Variants in ZNF804B observed in about 807,000 individuals in gnomAD.
The protein encoded by ZNF804B is zinc finger 804B.
ZNF804B carries 80 observed loss-of-function variants against 101.4 expected under a neutral mutation model. The observed-to-expected ratio is 0.79, with a 90% CI of 0.66 to 0.95. ZNF804B has a LOEUF of 0.95. Among genes scored for constraint, ZNF804B ranks in the 40% least tolerant of loss-of-function variants. The pLI is 0.00. For missense variants in ZNF804B, 1,673 were observed against 1,561.9 expected, an observed-to-expected ratio of 1.07 and a Z score of -1.20; for synonymous variants, 622 against 558.8, an observed-to-expected ratio of 1.11 and a Z score of -1.59.
intron 2 of ZNF804B, among the ~76,000 whole-genome samples, chr7:89,248,750 A>G (rs1312440628): frequency 6.6e-6 from 1 of 152,120 alleles, no homozygotes; most frequent in Non-Finnish European, 1.5e-5. Context: ...AAAGCAACCA[A>G]CTAAAAACTC....
At chr7:88,787,191 C>A (rs2115674230) in intron 1 of ZNF804B, among the ~76,000 whole-genome samples, 1 of 152,144 alleles carries the variant, frequency 6.6e-6, no homozygotes, top group African/African-American at 2.4e-5. Flanking sequence ...AAGAGAAAAC[C>A]ATAAGGTGAA....
intron 2 of ZNF804B, among the ~76,000 whole-genome samples, chr7:89,222,120 T>C (rs1331020494): frequency 1.3e-5 from 2 of 151,948 alleles, no homozygotes; most frequent in Non-Finnish European, 2.9e-5. Flanking sequence ...ATAGGTCCTA[T>C]ATGGTAGAAA....
At chr7:89,124,650 A>G (rs1790453330) in intron 1 of ZNF804B, among the ~76,000 whole-genome samples, 1 of 152,158 alleles carries the variant, frequency 6.6e-6, no homozygotes, top group South Asian at 2.1e-4. Context: ...GAGAAGCGCT[A>G]TCACCCTGTC....
At chr7:89,276,672 T>C (rs916341109) in intron 2 of ZNF804B, among the ~76,000 whole-genome samples, 1 of 152,002 alleles carries the variant, frequency 6.6e-6, no homozygotes, top group Non-Finnish European at 1.5e-5. Flanking sequence ...TGAGTTTTGC[T>C]TTCTTTGAAA....
At chr7:88,943,862 C>T (rs536412506) in intron 1 of ZNF804B, among the ~76,000 whole-genome samples, 1 of 151,778 alleles carries the variant, frequency 6.6e-6, no homozygotes, top group African/African-American at 2.4e-5. Flanking sequence ...ATTTAAAGGG[C>T]TGTGTACCTT....
chr7:89,020,369 G>A (rs1483566419), intron 1 of ZNF804B, among the ~76,000 whole-genome samples: 2 of 151,956 alleles, frequency 1.3e-5, no homozygotes, highest in Non-Finnish European at 2.9e-5. Context: ...GTTTGTTTTA[G>A]TATTTTGAAT....
chr7:88,793,889 A>T (rs911556996), intron 1 of ZNF804B, among the ~76,000 whole-genome samples: 3 of 152,120 alleles, frequency 2.0e-5, no homozygotes, highest in African/African-American at 4.8e-5. Flanking sequence ...TTTTTCAGCC[A>T]TACTTTTTTT....
chr7:88,840,824 A>G (rs1415029398), intron 1 of ZNF804B, among the ~76,000 whole-genome samples: 1 of 152,192 alleles, frequency 6.6e-6, no homozygotes, highest in Non-Finnish European at 1.5e-5. Context: ...AAACAGCTCA[A>G]AGTACACATT....
At chr7:89,204,766 G>A (rs1218636496) in intron 1 of ZNF804B, among the ~76,000 whole-genome samples, 3 of 152,120 alleles carry the variant, frequency 2.0e-5, no homozygotes, top group African/African-American at 7.2e-5. Context: ...ATGTGACTTT[G>A]TTGAATACTT....
chr7:89,083,256 AC>A, intron 1 of ZNF804B, among the ~76,000 whole-genome samples: 1 of 151,894 alleles, frequency 6.6e-6, no homozygotes, highest in African/African-American at 2.4e-5. Context: ...ACATACCTAC[AC>A]AGTATAATAT....
chr7:89,015,798 C>T (rs1473952355), intron 1 of ZNF804B, among the ~76,000 whole-genome samples: 19 of 152,084 alleles, frequency 1.2e-4, no homozygotes, highest in Admixed American at 3.3e-4. Flanking sequence ...AATAAACATA[C>T]GTGTGCATGT....
At chr7:89,222,995 A>T (rs1247920246) in intron 2 of ZNF804B, among the ~76,000 whole-genome samples, 1 of 151,968 alleles carries the variant, frequency 6.6e-6, no homozygotes, top group Non-Finnish European at 1.5e-5. Context: ...GATGAAGCTG[A>T]GTTACACTGA....
At chr7:88,802,704 A>C (rs1243336240) in intron 1 of ZNF804B, among the ~76,000 whole-genome samples, 1 of 151,492 alleles carries the variant, frequency 6.6e-6, no homozygotes, top group Non-Finnish European at 1.5e-5. Flanking sequence ...TCTCAGATTT[A>C]AACCATAATG....
intron 1 of ZNF804B, among the ~76,000 whole-genome samples, chr7:89,187,927 A>G (rs973956831): frequency 7.2e-5 from 11 of 152,156 alleles, no homozygotes; most frequent in African/African-American, 2.4e-4. Flanking sequence ...TCTAGCTGGT[A>G]GTAAGGCCAG....
chr7:88,771,361 A>G (rs1368304870), intron 1 of ZNF804B, among the ~76,000 whole-genome samples: 1 of 152,112 alleles, frequency 6.6e-6, no homozygotes, highest in Non-Finnish European at 1.5e-5. Context: ...GTATTAAAGA[A>G]TAAAATAATA....
At chr7:89,161,215 T>A (rs1161221498) in intron 1 of ZNF804B, among the ~76,000 whole-genome samples, 1 of 152,026 alleles carries the variant, frequency 6.6e-6, no homozygotes, top group Non-Finnish European at 1.5e-5. Flanking sequence ...TAGTAGCACA[T>A]TATGATTTCT....
In ZNF804B at chr7:89,095,891, C is replaced by A. The variant is rs995996078; in HGVS notation, c.109-122264C>A. On this transcript the variant is annotated intron_variant, in intron 1 of 3. Coordinates refer to ENST00000333190, the MANE Select transcript of ZNF804B (RefSeq NM_181646.5). ...AACTGAGTTTGAAAATCAACTCACG[C>A]CTGTAATCCCAGCCCTTTGGCAGGC... Among the ~76,000 whole-genome samples, 6 of 152,280 alleles carry A rather than the reference C, an allele frequency of 3.9e-5. No homozygotes were observed. In the East Asian group the frequency reaches 7.7e-4, roughly 20 times the overall value.
intron 1 of ZNF804B, among the ~76,000 whole-genome samples, chr7:89,001,941 A>G (rs190208396): frequency 6.6e-6 from 1 of 151,348 alleles, no homozygotes; most frequent in Non-Finnish European, 1.5e-5. Flanking sequence ...CAATTTTGTC[A>G]ATTAAAAATT....
chr7:88,811,881 G>T (rs1327320081), intron 1 of ZNF804B, among the ~76,000 whole-genome samples: 1 of 152,060 alleles, frequency 6.6e-6, no homozygotes, highest in African/African-American at 2.4e-5. Context: ...TAATACTTAG[G>T]TGATGAGTTG....
Sources: allele counts gnomAD v4.1 joint callset (sites outside exome capture counted in the v4.1 genomes callset), GRCh38; gene constraint gnomAD v4.1.1; transcripts MANE v1.5; gene names NCBI Gene and HGNC (gene_info 2026-07-23, HGNC 2026-07-21).